KLHL6: variants seen among roughly 807,000 people sequenced by gnomAD.
KLHL6 encodes the protein kelch like family member 6.
KLHL6 carries 41 observed loss-of-function variants against 58.6 expected under a neutral mutation model. The observed-to-expected ratio is 0.70, with a 90% CI of 0.55 to 0.91. The LOEUF is 0.91. Among genes scored for constraint, KLHL6 ranks in the 40% least tolerant of loss-of-function variants. The pLI, the probability that KLHL6 is intolerant of heterozygous loss-of-function variation, is 0.00. For missense variants in KLHL6, 714 were observed against 805.6 expected (o/e 0.89, Z 1.38); for synonymous variants, 338 against 322.7 (o/e 1.05, Z -0.51).
In KLHL6 at chr3:183,487,610, C is replaced by T. The variant is rs1021450881; in HGVS notation, c.*4317G>A. ...ATTTTATTGGTTTGGTTTTTAAAAC[C>T]TATAAACAATATTCTTAGTTTGATC... On this transcript the variant is annotated 3_prime_UTR_variant, in exon 7 of 7. Transcript: ENST00000341319. 6.6e-6 allele frequency: 1 copy of T among 151,370 alleles called. No homozygotes were observed. The highest frequency in any genetic ancestry group is 1.5e-5 in the Non-Finnish European group (1 of 67,932). 9.4% of individuals were successfully genotyped at this position (151,370 alleles called of 1,614,324 possible).
Position 183,499,769 on chromosome 3 carries a change from A to C in KLHL6, c.968T>G (p.Ile323Ser). ...MHEFQSEVFM[I>S]IGGCTKDERF... ...TTCATCCTTCGTGCAGCCGCCAATG[A>C]TCATGAACACCTCAGACTGGAACTC... The change falls in exon 4 of 7, where the codon ATC becomes AGC. Residue 323 changes from isoleucine to serine, a missense_variant. Coordinates refer to ENST00000341319, the MANE Select transcript of KLHL6 (RefSeq NM_130446.4). The surrounding 1 kb of genome is among the most constrained non-coding windows in gnomAD (Gnocchi z 4.6). The C allele has an allele frequency of 6.2e-7, 1 of 1,609,102 alleles. No individual in the cohort carries two copies.
chr3:183,534,098 GTACTTTAAAAGTACTT>G lies in KLHL6; in HGVS notation c.294-6104_294-6089del, dbSNP rs1294612830. On this transcript the variant is annotated intron_variant, in intron 1 of 6. Coordinates refer to ENST00000341319, the MANE Select transcript of KLHL6 (RefSeq NM_130446.4). ...CCTTTAAAAGTACTTTACTTTTAAA[GTACTTTAAAAGTACTT>G]TACTTTTAAAGTACTTTGTACTTTT... is the stretch of plus-strand genomic sequence containing the variant. Among the ~76,000 whole-genome samples, 1,084 of 133,702 alleles carry G rather than the reference GTACTTTAAAAGTACTT, an allele frequency of 8.1e-3. 21 individuals are homozygous for G. The highest frequency in any genetic ancestry group is 0.027 in the African/African-American group (1,043 of 37,928). The allele number at this position is 133,702 out of a possible 152,430, so 87.7% of individuals were successfully genotyped here.
At chr3:183,512,594 A>G (rs1718219693) in intron 2 of KLHL6, among the ~76,000 whole-genome samples, 1 of 151,786 alleles carries the variant, frequency 6.6e-6, no homozygotes, top group South Asian at 2.1e-4. Flanking sequence ...CGGGTTCAAG[A>G]GGTTCTCCTG....
At position 183,499,449 on chromosome 3, in the gene KLHL6, C is replaced by T. The variant is rs988262708; in HGVS notation, c.1147+141G>A. 2 of 619,752 alleles carry T rather than the reference C, an allele frequency of 3.2e-6. No homozygotes were observed. The highest frequency in any genetic ancestry group is 5.7e-6 in the Non-Finnish European group (2 of 349,544). 38.4% of individuals were successfully genotyped at this position (619,752 alleles called of 1,614,324 possible). On this transcript the variant is annotated intron_variant, in intron 4 of 6. Coordinates refer to ENST00000341319, the MANE Select transcript of KLHL6 (RefSeq NM_130446.4). The surrounding 1 kb of genome is among the most constrained non-coding windows in gnomAD (Gnocchi z 4.6). ...TCTCCAAGATAAGACCACCTGAGCT[C>T]CTGGGTCCATATCCTGTCTCAGTCA...
intron 2 of KLHL6, among the ~76,000 whole-genome samples, chr3:183,527,316 T>TGAGTCAA (rs1447874244): frequency 6.6e-6 from 1 of 152,216 alleles, no homozygotes; most frequent in Non-Finnish European, 1.5e-5. Flanking sequence ...TTTAAAATGA[T>TGAGTCAA]GAGTCAAGTG....
chr3:183,508,572 G>A, intron 2 of KLHL6, 64 bp from the exon 3 acceptor site: 2 of 1,471,728 alleles, frequency 1.4e-6, no homozygotes, highest in Non-Finnish European at 1.8e-6. Context: ...AGGTTTATCA[G>A]TGAGTTATGT....
intron 1 of KLHL6, among the ~76,000 whole-genome samples, chr3:183,537,916 G>C (rs1284105268): frequency 6.6e-6 from 1 of 152,116 alleles, no homozygotes; most frequent in Non-Finnish European, 1.5e-5. Flanking sequence ...GAGTGAGGGT[G>C]TGCCATGCTC....
intron 1 of KLHL6, among the ~76,000 whole-genome samples, chr3:183,533,692 C>T (rs894048753): frequency 1.3e-5 from 2 of 152,124 alleles, no homozygotes; most frequent in Non-Finnish European, 2.9e-5. Context: ...GACAGAGATA[C>T]AGAAAATCAC....
intron 3 of KLHL6, among the ~76,000 whole-genome samples, chr3:183,500,709 C>T (rs974191765): frequency 6.6e-5 from 10 of 152,172 alleles, no homozygotes; most frequent in African/African-American, 2.2e-4. Context: ...AAGAGCTGCC[C>T]TTCCCTGGTT....
intron 2 of KLHL6, among the ~76,000 whole-genome samples, chr3:183,523,730 A>T (rs112130311): frequency 0.015 from 2,333 of 151,526 alleles, 57 homozygotes; most frequent in African/African-American, 0.054. Flanking sequence ...TTTGGGGTAC[A>T]GGTGGTATTT....
intron 1 of KLHL6, among the ~76,000 whole-genome samples, chr3:183,540,730 T>G (rs557044493): frequency 1.3e-5 from 2 of 152,312 alleles, no homozygotes; most frequent in East Asian, 3.9e-4. Context: ...TAAGCTCTCC[T>G]ACCTGAGAGT....
chr3:183,519,351 G>A (rs769871684), intron 2 of KLHL6, among the ~76,000 whole-genome samples: 1 of 152,206 alleles, frequency 6.6e-6, no homozygotes, highest in Non-Finnish European at 1.5e-5. Flanking sequence ...TGAAAAATCA[G>A]AGAGAGACTG....
intron 2 of KLHL6, among the ~76,000 whole-genome samples, chr3:183,514,886 T>A (rs1037998774): frequency 6.6e-6 from 1 of 152,070 alleles, no homozygotes; most frequent in African/African-American, 2.4e-5. Flanking sequence ...GCCATTCTGG[T>A]CTCGAACTCC....
At chr3:183,545,548 A>G (rs1281331114) in intron 1 of KLHL6, among the ~76,000 whole-genome samples, 1 of 152,240 alleles carries the variant, frequency 6.6e-6, no homozygotes, top group Admixed American at 6.5e-5. Flanking sequence ...TTGGAATAAT[A>G]TCCACATGCT....
intron 3 of KLHL6, among the ~76,000 whole-genome samples, chr3:183,504,583 C>A (rs1274714695): frequency 6.6e-6 from 1 of 152,112 alleles, no homozygotes; most frequent in Non-Finnish European, 1.5e-5. Flanking sequence ...CAGAGAAAAT[C>A]TTTATCATCT....
In KLHL6 at chr3:183,555,349, A is replaced by T; in HGVS notation, c.293+12T>A. ...TTGCACCCAATTTGACTCTGGTCCT[A>T]GGCATGCTGACCTGAAATAGTTGCT... On this transcript the variant is annotated intron_variant, in intron 1 of 6. Transcript: ENST00000341319. 2 of 1,612,192 alleles carry T rather than the reference A, an allele frequency of 1.2e-6. No homozygotes were observed. The highest frequency in any genetic ancestry group is 1.7e-6 in the Non-Finnish European group (2 of 1,178,646).
At chr3:183,496,329 G>A (rs1717711597) in intron 4 of KLHL6, among the ~76,000 whole-genome samples, 1 of 144,498 alleles carries the variant, frequency 6.9e-6, no homozygotes, top group African/African-American at 2.6e-5. Context: ...AAATTTAAAT[G>A]ACTAATAATA....
At chr3:183,519,814 T>TGA (rs1474309760) in intron 2 of KLHL6, among the ~76,000 whole-genome samples, 19 of 148,442 alleles carry the variant, frequency 1.3e-4, no homozygotes, top group Middle Eastern at 3.5e-3. Flanking sequence ...GAAAATCTCT[T>TGA]GAGCCTGGGA....
chr3:183,514,976 A>G (rs1372302979), intron 2 of KLHL6, among the ~76,000 whole-genome samples: 2 of 152,088 alleles, frequency 1.3e-5, no homozygotes, highest in Non-Finnish European at 2.9e-5. Context: ...GGCCAGGGCT[A>G]TTTTCTTGAT....
Sources: allele counts gnomAD v4.1 joint callset (sites outside exome capture counted in the v4.1 genomes callset), GRCh38; gene constraint gnomAD v4.1.1; non-coding constraint Gnocchi (gnomAD v3.1); transcripts MANE v1.5; gene names NCBI Gene and HGNC (gene_info 2026-07-23, HGNC 2026-07-21).